The following PCDHGA7 variants were observed in gnomAD, a reference collection of about 807,000 sequenced individuals.
PCDHGA7 encodes the protein protocadherin gamma-A7.
PCDHGA7 carries 44 observed loss-of-function variants against 58.3 expected under a neutral mutation model. The ratio of observed to expected loss-of-function variants is 0.75; its 90% confidence interval spans 0.59 to 0.97. PCDHGA7 has a LOEUF of 0.97. Among genes scored for constraint, PCDHGA7 ranks in the 50% least tolerant of loss-of-function variants. PCDHGA7 has a pLI of 0.00. For synonymous variants in PCDHGA7, 516 were observed against 504.2 expected (o/e 1.02, Z -0.31); for missense variants, 1,266 against 1,188.7 (o/e 1.06, Z -0.96).
intron 1 of PCDHGA7, among the ~76,000 whole-genome samples, chr5:141,474,311 G>T (rs1374954373): frequency 1.3e-5 from 2 of 152,134 alleles, no homozygotes. Context: ...AAACTTTAAT[G>T]TGTTTTCAAA....
At chr5:141,453,206 T>G (rs914064627) in intron 1 of PCDHGA7, among the ~76,000 whole-genome samples, 8 of 152,102 alleles carry the variant, frequency 5.3e-5, no homozygotes, top group African/African-American at 1.9e-4. Context: ...CTCAACCTCG[T>G]GCACTTAAGC....
chr5:141,478,941 A>G (rs889484528), intron 1 of PCDHGA7: 2 of 589,470 alleles, frequency 3.4e-6, no homozygotes, highest in Non-Finnish European at 5.6e-6. Context: ...TTCTAGGAAT[A>G]CAAAAACTAC....
At chr5:141,393,806 C>CA in intron 1 of PCDHGA7, 12 of 1,613,866 alleles carry the variant, frequency 7.4e-6, no homozygotes, top group Non-Finnish European at 1.0e-5. Flanking sequence ...TGGGGAGGAC[C>CA]AAATTGCTCA....
chr5:141,416,452 A>T (rs2154546483), intron 1 of PCDHGA7: 1 of 152,342 alleles, frequency 6.6e-6, no homozygotes, highest in African/African-American at 2.4e-5. Flanking sequence ...ATGGGTTGGG[A>T]AGACAGATAA....
chr5:141,488,980 C>A, intron 1 of PCDHGA7: 1 of 392,340 alleles, frequency 2.5e-6, no homozygotes, highest in Non-Finnish European at 4.5e-6. Flanking sequence ...CAATCAGACT[C>A]AGAGCTGAGG....
intron 2 of PCDHGA7, among the ~76,000 whole-genome samples, chr5:141,503,851 A>C (rs1484022055): frequency 6.6e-6 from 1 of 152,116 alleles, no homozygotes; most frequent in Non-Finnish European, 1.5e-5. Context: ...CCTTGGAAAA[A>C]TTGTAAAGCA....
chr5:141,477,553 A>T lies in PCDHGA7; in HGVS notation c.2425-17254A>T, dbSNP rs1478806410. 6.2e-7 allele frequency: 1 copy of T among 1,614,090 alleles called. No homozygotes were observed. Among genetic ancestry groups the T allele is most frequent in the Admixed American group, 1.7e-5 (1 of 60,028 alleles). On this transcript the variant is annotated intron_variant, in intron 1 of 3. Coordinates refer to ENST00000518325, the MANE Select transcript of PCDHGA7 (RefSeq NM_018920.4). The surrounding 1 kb of genome is among the most constrained non-coding windows in gnomAD (Gnocchi z 4.9). ...TCCCCGGGGCTCCAATACTAAACCT[A>T]AGTGTCTGGGACCCCGACGCCCCGC...
At chr5:141,394,692 C>T (rs1356120664) in intron 1 of PCDHGA7, 1 of 1,613,028 alleles carries the variant, frequency 6.2e-7, no homozygotes, top group Non-Finnish European at 8.5e-7. Context: ...GGGCGAGGTG[C>T]GCACGGCGCG....
intron 2 of PCDHGA7, 84 bp downstream of exon 2, chr5:141,494,949 C>A (rs1193148622): frequency 6.2e-7 from 1 of 1,606,850 alleles, no homozygotes; most frequent in Non-Finnish European, 8.5e-7. Context: ...GAGGGCCCAG[C>A]ATTTGCTACA....
At position 141,487,147 on chromosome 5, in the gene PCDHGA7, T is replaced by C; in HGVS notation, c.2425-7660T>C. 1 of 1,614,122 alleles carries C rather than the reference T, an allele frequency of 6.2e-7. No individual in the cohort carries two copies. Among genetic ancestry groups the C allele is most frequent in the Non-Finnish European group, 8.5e-7 (1 of 1,179,952 alleles). On this transcript the variant is annotated intron_variant, in intron 1 of 3. Transcript: ENST00000518325. This position sits in a 1 kb window ranked among gnomAD's most constrained non-coding sequence, Gnocchi z 5.0. ...GTGGTAGTCCACCACTCTCTACCTC[T>C]GTTACTCTCTTAGTGTCCTTAGAGG...
chr5:141,427,704 G>C (rs2097059746), intron 1 of PCDHGA7: 2 of 966,116 alleles, frequency 2.1e-6, no homozygotes, highest in Non-Finnish European at 3.2e-6. Context: ...ACAAGTCAGC[G>C]CCTCTGACCT....
intron 1 of PCDHGA7, among the ~76,000 whole-genome samples, chr5:141,442,702 T>A (rs1301940560): frequency 1.3e-5 from 2 of 152,342 alleles, no homozygotes; most frequent in African/African-American, 4.8e-5. Context: ...GACAAGAGTA[T>A]CAGACATGCC....
intron 1 of PCDHGA7, chr5:141,400,120 C>T: frequency 1.2e-6 from 2 of 1,614,076 alleles, no homozygotes; most frequent in Non-Finnish European, 1.7e-6. Flanking sequence ...TGACAGCTTG[C>T]AGGAGGTGCT....
At position 141,382,776 on chromosome 5, in the gene PCDHGA7, A is replaced by T. The variant is rs572614689; in HGVS notation, c.-124A>T. 1.1e-5 allele frequency: 9 copies of T among 809,964 alleles called. No homozygotes were observed. In the South Asian group the frequency reaches 1.8e-4, roughly 17 times the overall value. The allele number at this position is 809,964 out of a possible 1,614,324, so 50.2% of individuals were successfully genotyped here. A position where few individuals can be genotyped will look rare whatever the true frequency, so the allele number is the denominator to read the frequency against. On this transcript the variant is annotated 5_prime_UTR_variant, in exon 1 of 4. Coordinates refer to ENST00000518325, the MANE Select transcript of PCDHGA7 (RefSeq NM_018920.4). Reference sequence around the variant, plus strand: ...TAAGCCCTCTTCCAGGCTGCACTAAACTCAAGCCTCTATCCTGCTGGATTC... The same window carrying T: ...TAAGCCCTCTTCCAGGCTGCACTAATCTCAAGCCTCTATCCTGCTGGATTC...
chr5:141,407,089 TTTTA>T (rs2094885755), intron 1 of PCDHGA7, among the ~76,000 whole-genome samples: 2 of 152,196 alleles, frequency 1.3e-5, no homozygotes, highest in South Asian at 4.1e-4. Flanking sequence ...TGAAGAATTG[TTTTA>T]TTTGTTTGTA....
chr5:141,500,340 C>T (rs188966393), intron 2 of PCDHGA7, among the ~76,000 whole-genome samples: 1 of 151,950 alleles, frequency 6.6e-6, no homozygotes, highest in East Asian at 1.9e-4. Flanking sequence ...TCCAGAATAG[C>T]TGGGACTACA....
At position 141,477,160 on chromosome 5, in the gene PCDHGA7, C is replaced by G. The variant is rs768436526; in HGVS notation, c.2425-17647C>G. 2 of 1,614,186 alleles carry G rather than the reference C, an allele frequency of 1.2e-6. No homozygotes were observed. Among genetic ancestry groups the G allele is most frequent in the Admixed American group, 1.7e-5 (1 of 60,020 alleles). On this transcript the variant is annotated intron_variant, in intron 1 of 3. Transcript: ENST00000518325. The surrounding 1 kb of genome is among the most constrained non-coding windows in gnomAD (Gnocchi z 4.9). ...TGGAGGTTGTGGATGTGAATGACAA[C>G]GCCCCGGAGATCACAGTCACCTCCG...
At chr5:141,391,868 A>T (rs1269292273) in intron 1 of PCDHGA7, 1 of 152,190 alleles carries the variant, frequency 6.6e-6, no homozygotes, top group Non-Finnish European at 1.5e-5. Context: ...AAATTTAATC[A>T]TCTCTTTGGT....
rs570765907 is a variant in PCDHGA7, at chr5:141,414,583, G to T, written c.2424+29260G>T. The T allele has an allele frequency of 5.6e-6, 9 of 1,613,854 alleles. No individual in the cohort carries two copies. In the South Asian group the frequency reaches 8.8e-5, roughly 16 times the overall value. On this transcript the variant is annotated intron_variant, in intron 1 of 3. Coordinates refer to ENST00000518325, the MANE Select transcript of PCDHGA7 (RefSeq NM_018920.4). Reference sequence around the variant, plus strand: ...CTTTACCTATATCCCAGAGAACAACGCCAGGGGTGCCTCCATCTTCTCAGT... The same window carrying T: ...CTTTACCTATATCCCAGAGAACAACTCCAGGGGTGCCTCCATCTTCTCAGT...
Sources: gnomAD v4.1 joint callset for allele counts (sites outside exome capture counted in the v4.1 genomes callset) on GRCh38, gnomAD v4.1.1 for gene constraint, Gnocchi (gnomAD v3.1) non-coding constraint, MANE v1.5 for transcripts, NCBI Gene and HGNC (gene_info 2026-07-23, HGNC 2026-07-21) for gene names.